IGFBP4: variants seen among roughly 807,000 people sequenced by gnomAD.
The protein encoded by IGFBP4 is insulin like growth factor binding protein 4, also known as insulin-like growth factor-binding protein 4.
A neutral mutation model predicts 25.8 loss-of-function variants in IGFBP4; 9 were observed. That is an observed-to-expected ratio of 0.35 (90% CI 0.21 to 0.61). The LOEUF (loss-of-function observed/expected upper bound fraction) is 0.61. IGFBP4 is among the 20% of genes least tolerant of loss of function. IGFBP4 has a pLI of 0.77. For synonymous variants in IGFBP4, 153 were observed against 153.9 expected (o/e 0.99, Z 0.05); for missense variants, 315 against 365.3 (o/e 0.86, Z 1.12).
intron 1 of IGFBP4, among the ~76,000 whole-genome samples, chr17:40,451,664 C>T (rs183393669): frequency 1.7e-4 from 26 of 152,244 alleles, no homozygotes; most frequent in African/African-American, 5.8e-4. Flanking sequence ...AGGCCGGCAG[C>T]GAGCTGCCAA....
chr17:40,444,884 A>AACAC (rs756211064), intron 1 of IGFBP4, among the ~76,000 whole-genome samples: 4,694 of 79,868 alleles, frequency 0.059, 194 homozygotes, highest in East Asian at 0.095. Context: ...GAGAGAGAGA[A>AACAC]ACACACACAC....
chr17:40,447,677 T>C (rs2035657019), intron 1 of IGFBP4, among the ~76,000 whole-genome samples: 1 of 152,050 alleles, frequency 6.6e-6, no homozygotes, highest in Non-Finnish European at 1.5e-5. Context: ...AAAGACAGAG[T>C]GCTGCAGAGC....
At chr17:40,448,279 A>G (rs2035661778) in intron 1 of IGFBP4, among the ~76,000 whole-genome samples, 1 of 152,262 alleles carries the variant, frequency 6.6e-6, no homozygotes, top group Admixed American at 6.5e-5. Flanking sequence ...AGGAAAGAGG[A>G]AATCCTCTGG....
At chr17:40,455,730 ACCT>A (rs748668341) in intron 3 of IGFBP4, among the ~76,000 whole-genome samples, 7 of 151,928 alleles carry the variant, frequency 4.6e-5, no homozygotes, top group Non-Finnish European at 8.8e-5. Flanking sequence ...TGATCCACCC[ACCT>A]CGGCCTCCCA....
chr17:40,448,724 C>G (rs533589801), intron 1 of IGFBP4, among the ~76,000 whole-genome samples: 1 of 152,224 alleles, frequency 6.6e-6, no homozygotes, highest in African/African-American at 2.4e-5. Flanking sequence ...GGGGTGGATC[C>G]TGGGGTGGCT....
At position 40,453,860 on chromosome 17, in the gene IGFBP4, C is replaced by G; in HGVS notation, c.508-68C>G. ...CGGGGCCTTCAGTTCTCACTTAGCT[C>G]TGACCCCAGGCCTGGGCCTCCTGCC... On this transcript the variant is annotated intron_variant, in intron 2 of 3. Transcript: ENST00000269593. This position sits in a 1 kb window ranked among gnomAD's most constrained non-coding sequence, Gnocchi z 4.0. 3 of 1,289,430 alleles carry G rather than the reference C, an allele frequency of 2.3e-6. No individual in the cohort carries two copies. Among genetic ancestry groups the G allele is most frequent in the Non-Finnish European group, 3.2e-6 (3 of 924,670 alleles). 79.9% of individuals were successfully genotyped at this position (1,289,430 alleles called of 1,614,324 possible). A position where few individuals can be genotyped will look rare whatever the true frequency, so the allele number is the denominator to read the frequency against.
intron 3 of IGFBP4, 32 bp from the exon 4 acceptor site, chr17:40,456,417 G>T (rs201030760): frequency 1.6e-5 from 26 of 1,613,166 alleles, no homozygotes; most frequent in Non-Finnish European, 1.9e-5. Context: ...TTCCTGCGTC[G>T]GAACTGACCC....
Position 40,453,252 on chromosome 17 carries a change from C to T in IGFBP4, c.507+110C>T, listed in dbSNP as rs1046246060. 4 of 806,570 alleles carry T rather than the reference C, an allele frequency of 5.0e-6. No individual in the cohort carries two copies. Among genetic ancestry groups the T allele is most frequent in the Non-Finnish European group, 7.1e-6 (4 of 563,200 alleles). 50.0% of individuals were successfully genotyped at this position (806,570 alleles called of 1,614,324 possible). A position where few individuals can be genotyped will look rare whatever the true frequency, so the allele number is the denominator to read the frequency against. On this transcript the variant is annotated intron_variant, in intron 2 of 3. Transcript: ENST00000269593. The surrounding 1 kb of genome is among the most constrained non-coding windows in gnomAD (Gnocchi z 4.0). ...CACACCATCACCACCAGATCTGGGG[C>T]GTGTTCATTCAGCACACATTCTAGG...
At chr17:40,448,252 G>A (rs1402965957) in intron 1 of IGFBP4, among the ~76,000 whole-genome samples, 1 of 152,274 alleles carries the variant, frequency 6.6e-6, no homozygotes, top group Non-Finnish European at 1.5e-5. Context: ...GAAATTGTGA[G>A]GGTAAAATCA....
rs143719140 is a variant in IGFBP4 at position 40,456,505 on chromosome 17, G to A, written c.699G>A (p.Thr233=). 5.0e-6 allele frequency: 8 copies of A among 1,613,886 alleles called. No homozygotes were observed. The highest frequency in any genetic ancestry group is 1.1e-5 in the South Asian group (1 of 91,070). Residue 233 remains threonine, a synonymous_variant, in exon 4 of 4, where the codon ACG becomes ACA. Transcript: ENST00000269593. ...RGKCWCVDRK[T]GVKLPGGLEP... is the part of the protein sequence containing the mutation. ...AGTGCTGGTGTGTGGACCGGAAGAC[G>A]GGGGTGAAGCTTCCGGGGGGCCTGG...
chr17:40,454,208 C>G (rs781772435), intron 3 of IGFBP4, 146 bp downstream of exon 3: 3 of 1,196,280 alleles, frequency 2.5e-6, no homozygotes, highest in Non-Finnish European at 3.4e-6. Flanking sequence ...CTAAACCTAC[C>G]TCAGCGTCAG....
intron 1 of IGFBP4, among the ~76,000 whole-genome samples, chr17:40,448,076 G>A (rs1473747477): frequency 1.3e-5 from 2 of 152,186 alleles, no homozygotes; most frequent in African/African-American, 2.4e-5. Context: ...CAGCACCAGC[G>A]GTCTTGGCTT....
Position 40,456,443 on chromosome 17 carries a change from T to G in IGFBP4, c.643-6T>G. 6.2e-7 allele frequency: 1 copy of G among 1,614,064 alleles called. No homozygotes were observed. Among genetic ancestry groups the G allele is most frequent in the Non-Finnish European group, 8.5e-7 (1 of 1,179,992 alleles). ...GAACTGACCCCTCATGTCCTTCTCT[T>G]GGCAGTGTCACCCAGCTCTGGATGG... On this transcript the variant is annotated splice_region_variant and splice_polypyrimidine_tract_variant and intron_variant, in intron 3 of 3. Coordinates refer to ENST00000269593, the MANE Select transcript of IGFBP4 (RefSeq NM_001552.3).
chr17:40,443,841 G>A lies in IGFBP4; in HGVS notation c.106G>A (p.Ala36Thr). ...HCPPCSEEKL[A>T]RCRPPVGCEE... is the part of the protein sequence containing the mutation. ...CCCGCCCTGCTCCGAGGAGAAGCTG[G>A]CGCGCTGCCGCCCCCCCGTGGGCTG... is the stretch of plus-strand genomic sequence containing the variant. Residue 36 changes from alanine to threonine, a missense_variant, in exon 1 of 4, where the codon GCG (alanine) becomes ACG (threonine). Coordinates refer to ENST00000269593, the MANE Select transcript of IGFBP4 (RefSeq NM_001552.3). 3 of 1,532,762 alleles carry A rather than the reference G, an allele frequency of 2.0e-6. No homozygotes were observed. The highest frequency in any genetic ancestry group is 2.4e-5 in the South Asian group (2 of 83,838). The allele number at this position is 1,532,762 out of a possible 1,614,324, so 94.9% of individuals were successfully genotyped here. A position where few individuals can be genotyped will look rare whatever the true frequency, so the allele number is the denominator to read the frequency against.
Position 40,452,933 on chromosome 17 carries a change from A to G in IGFBP4, c.350-52A>G, listed in dbSNP as rs2035693106. The stretch of plus-strand genomic sequence containing the variant: ...GTGGGTGGGAGGCTGGGTTGGTGTG[A>G]CGCTCTGACCTCTTCCGGTGCTGAC... On this transcript the variant is annotated intron_variant, in intron 1 of 3. Coordinates refer to ENST00000269593, the MANE Select transcript of IGFBP4 (RefSeq NM_001552.3). 3 of 1,375,276 alleles carry G rather than the reference A, an allele frequency of 2.2e-6. No individual in the cohort carries two copies. In the South Asian group the frequency reaches 5.4e-5, roughly 25 times the overall value. The allele number at this position is 1,375,276 out of a possible 1,614,324, so 85.2% of individuals were successfully genotyped here. A position where few individuals can be genotyped will look rare whatever the true frequency, so the allele number is the denominator to read the frequency against.
chr17:40,448,512 G>T (rs1392072625), intron 1 of IGFBP4, among the ~76,000 whole-genome samples: 1 of 152,182 alleles, frequency 6.6e-6, no homozygotes, highest in Non-Finnish European at 1.5e-5. Flanking sequence ...GAATAGGTCT[G>T]ACTCCACTCC....
At chr17:40,449,076 G>T (rs984600633) in intron 1 of IGFBP4, among the ~76,000 whole-genome samples, 3 of 152,164 alleles carry the variant, frequency 2.0e-5, no homozygotes, top group African/African-American at 7.2e-5. Context: ...ATGAACTGGG[G>T]ATAAGTAGGA....
intron 1 of IGFBP4, among the ~76,000 whole-genome samples, chr17:40,451,177 T>C (rs1171755242): frequency 6.6e-6 from 1 of 152,200 alleles, no homozygotes; most frequent in Admixed American, 6.5e-5. Flanking sequence ...TGGTTGACTC[T>C]TAGGAACTTG....
Position 40,453,998 on chromosome 17 carries a change from A to G in IGFBP4, c.578A>G (p.His193Arg). The G allele has an allele frequency of 6.2e-7, 1 of 1,613,678 alleles. No individual in the cohort carries two copies. Among genetic ancestry groups the G allele is most frequent in the Non-Finnish European group, 8.5e-7 (1 of 1,179,876 alleles). Residue 193 changes from histidine (H) to arginine (R), a missense_variant, in exon 3 of 4, where the codon CAC (histidine) becomes CGC (arginine). By Grantham distance (29) the His-to-Arg change is conservative. Coordinates refer to ENST00000269593, the MANE Select transcript of IGFBP4 (RefSeq NM_001552.3). The surrounding 1 kb of genome is among the most constrained non-coding windows in gnomAD (Gnocchi z 4.0). ...CTGGCCGCTTCACAGAGCCGCACCC[A>G]CGAGGACCTCTACATCATCCCCATC... is the stretch of plus-strand genomic sequence containing the variant. Reference protein sequence around the residue: ...ERLAASQSRTHEDLYIIPIPN... With the variant: ...ERLAASQSRTREDLYIIPIPN...
Sources: allele counts gnomAD v4.1 joint callset (sites outside exome capture counted in the v4.1 genomes callset), GRCh38; gene constraint gnomAD v4.1.1; non-coding constraint Gnocchi (gnomAD v3.1); transcripts MANE v1.5; gene names NCBI Gene and HGNC (gene_info 2026-07-23, HGNC 2026-07-21).